Variants in RBFOX1 observed in about 807,000 individuals in gnomAD.
The protein encoded by RBFOX1 is RNA binding fox-1 homolog 1.
A neutral mutation model predicts 57.7 loss-of-function variants in RBFOX1; 8 were observed. The ratio of observed to expected loss-of-function variants is 0.14; its 90% CI spans 0.08 to 0.25. The LOEUF (loss-of-function observed/expected upper bound fraction) is 0.25, where lower values mean the gene tolerates loss of function less well. Ranked by LOEUF, RBFOX1 falls within the 10% of genes least tolerant of loss-of-function variation. The probability of loss-of-function intolerance (pLI) is 1.00; values close to 1 mark genes in which losing one functional copy is unlikely to be tolerated. For missense variants in RBFOX1, 611 were observed against 548.5 expected (o/e 1.11, Z -1.14); for synonymous variants, 326 against 222.4 (o/e 1.47, Z -4.15).
At chr16:5,409,277 C>T (rs1454597272) in intron 1 of RBFOX1, among the ~76,000 whole-genome samples, 2 of 152,220 alleles carry the variant, frequency 1.3e-5, no homozygotes, top group African/African-American at 4.8e-5. Flanking sequence ...CACTGTTCTG[C>T]ATACAGCCCC....
At chr16:5,530,522 C>T (rs554097968) in intron 2 of RBFOX1, among the ~76,000 whole-genome samples, 157 of 152,316 alleles carry the variant, frequency 1.0e-3, no homozygotes, top group African/African-American at 3.6e-3. Flanking sequence ...CATTGGTGTT[C>T]AGTAGGTGTT....
At chr16:6,247,966 A>T (rs1261059400) in intron 1 of RBFOX1, among the ~76,000 whole-genome samples, 1 of 152,202 alleles carries the variant, frequency 6.6e-6, no homozygotes, top group Non-Finnish European at 1.5e-5. Context: ...AGGGACATCC[A>T]TCCCTTTGTG....
intron 1 of RBFOX1, among the ~76,000 whole-genome samples, chr16:6,247,568 C>G (rs1479368026): frequency 6.6e-6 from 1 of 152,136 alleles, no homozygotes; most frequent in African/African-American, 2.4e-5. Context: ...GCCTGTTGTG[C>G]CAAGCTTTGT....
intron 2 of RBFOX1, among the ~76,000 whole-genome samples, chr16:6,513,816 A>C (rs901570850): frequency 6.6e-6 from 1 of 152,170 alleles, no homozygotes; most frequent in Non-Finnish European, 1.5e-5. Flanking sequence ...CTGCAGAGCC[A>C]ATCAGTTCAA....
At chr16:7,192,880 C>T (rs1257512171) in intron 4 of RBFOX1, among the ~76,000 whole-genome samples, 1 of 152,208 alleles carries the variant, frequency 6.6e-6, no homozygotes, top group Non-Finnish European at 1.5e-5. Flanking sequence ...GTGCTTACAA[C>T]ATTGTTACTT....
intron 4 of RBFOX1, among the ~76,000 whole-genome samples, chr16:5,920,354 G>T (rs1186804772): frequency 1.3e-5 from 2 of 152,060 alleles, no homozygotes; most frequent in African/African-American, 2.4e-5. Flanking sequence ...TTCACTCATC[G>T]GTGGCTATAC....
intron 1 of RBFOX1, among the ~76,000 whole-genome samples, chr16:5,296,216 G>T (rs929664874): frequency 2.0e-5 from 3 of 152,150 alleles, no homozygotes; most frequent in African/African-American, 7.2e-5. Flanking sequence ...ATTCAGACTC[G>T]GTGTAGCATT....
chr16:7,048,724 G>GTGAA (rs1303901520), intron 3 of RBFOX1, among the ~76,000 whole-genome samples: 1 of 152,118 alleles, frequency 6.6e-6, no homozygotes, highest in Non-Finnish European at 1.5e-5. Context: ...GTTGGTGTCT[G>GTGAA]TGAATGTCTT....
At chr16:5,346,798 A>G (rs1242655381) in intron 1 of RBFOX1, among the ~76,000 whole-genome samples, 2 of 152,144 alleles carry the variant, frequency 1.3e-5, no homozygotes, top group Non-Finnish European at 2.9e-5. Context: ...TCTGTAGTCA[A>G]GTGTCTCAGT....
At position 6,621,277 on chromosome 16, in the gene RBFOX1, C is replaced by T. The variant is rs146645764; in HGVS notation, c.-63-33326C>T. On this transcript the variant is annotated intron_variant, in intron 2 of 15. Coordinates refer to ENST00000550418, the MANE Select transcript of RBFOX1 (RefSeq NM_018723.4). ...GAGATGGAGAGTATCTTGGCTAACACGGTGAAACCCCGTCTGTACTAAAAA... is the reference window on the plus strand; with the variant it reads ...GAGATGGAGAGTATCTTGGCTAACATGGTGAAACCCCGTCTGTACTAAAAA... Among the ~76,000 whole-genome samples the T allele has an allele frequency of 9.9e-5, 15 of 151,820 alleles. No homozygotes were observed. The East Asian group carries it at 1.4e-3, about 14-fold the overall frequency.
chr16:6,624,806 G>T (rs1420571360), intron 2 of RBFOX1, among the ~76,000 whole-genome samples: 1 of 152,070 alleles, frequency 6.6e-6, no homozygotes, highest in Non-Finnish European at 1.5e-5. Flanking sequence ...CATTTTTTCA[G>T]TGAATACTTA....
At chr16:6,847,891 G>C (rs2093844804) in intron 3 of RBFOX1, among the ~76,000 whole-genome samples, 1 of 152,010 alleles carries the variant, frequency 6.6e-6, no homozygotes, top group African/African-American at 2.4e-5. Flanking sequence ...AGGCTGGAGA[G>C]TACTGGCACA....
intron 4 of RBFOX1, among the ~76,000 whole-genome samples, chr16:7,325,341 T>TA (rs2143593925): frequency 6.6e-6 from 1 of 152,300 alleles, no homozygotes; most frequent in African/African-American, 2.4e-5. Flanking sequence ...ACACAGCTGA[T>TA]AACTGGTAGG....
At chr16:7,215,442 G>C (rs951607799) in intron 4 of RBFOX1, among the ~76,000 whole-genome samples, 1 of 152,134 alleles carries the variant, frequency 6.6e-6, no homozygotes, top group Non-Finnish European at 1.5e-5. Context: ...TGATAGACTG[G>C]ATAAGGAAAA....
At chr16:5,635,742 G>A (rs2048663316) in intron 3 of RBFOX1, among the ~76,000 whole-genome samples, 1 of 152,074 alleles carries the variant, frequency 6.6e-6, no homozygotes, top group Non-Finnish European at 1.5e-5. Flanking sequence ...GGGTGCATTT[G>A]TAAATACTGA....
intron 4 of RBFOX1, among the ~76,000 whole-genome samples, chr16:7,385,915 GTTACTTATTTATTTATTTAT>G (rs1408460501): frequency 4.5e-5 from 4 of 88,966 alleles, no homozygotes; most frequent in South Asian, 3.9e-4. Flanking sequence ...ACCATGCCCA[GTTACTTATTTATTTATTTAT>G]TTATTTATTT....
intron 3 of RBFOX1, among the ~76,000 whole-genome samples, chr16:6,765,182 C>T (rs746846717): frequency 2.6e-5 from 4 of 152,042 alleles, no homozygotes; most frequent in Non-Finnish European, 5.9e-5. Context: ...CTGAATGCAG[C>T]ACGTGGTAAG....
chr16:6,830,312 A>G (rs1050382848), intron 3 of RBFOX1, among the ~76,000 whole-genome samples: 1 of 152,206 alleles, frequency 6.6e-6, no homozygotes, highest in Non-Finnish European at 1.5e-5. Flanking sequence ...ATAATACAGA[A>G]CTATTATTCC....
intron 2 of RBFOX1, among the ~76,000 whole-genome samples, chr16:5,541,461 T>C (rs939640382): frequency 1.3e-5 from 2 of 152,106 alleles, no homozygotes; most frequent in African/African-American, 2.4e-5. Flanking sequence ...AGATGTACAT[T>C]GATTCCTTCT....
Sources: allele counts gnomAD v4.1 joint callset (sites outside exome capture counted in the v4.1 genomes callset), GRCh38; gene constraint gnomAD v4.1.1; transcripts MANE v1.5; gene names NCBI Gene and HGNC (gene_info 2026-07-23, HGNC 2026-07-21).